The following EPHA4 variants were observed in gnomAD, a reference collection of about 807,000 sequenced individuals.
The protein encoded by EPHA4 is ephrin type-A receptor 4.
EPHA4 carries 19 observed loss-of-function variants against 108.3 expected under a neutral mutation model. That is an observed-to-expected ratio of 0.18 (90% confidence interval 0.12 to 0.26). The LOEUF (loss-of-function observed/expected upper bound fraction) is 0.26. Ranked by LOEUF, EPHA4 falls within the 10% of genes least tolerant of loss-of-function variation. The pLI, the probability that EPHA4 is intolerant of heterozygous loss-of-function variation, is 1.00. For synonymous variants in EPHA4, 449 were observed against 455.5 expected (o/e 0.99, Z 0.18); for missense variants, 917 against 1,254.0 (o/e 0.73, Z 4.06).
Position 221,437,208 on chromosome 2 carries a change from C to T in EPHA4, c.2075-86G>A, listed in dbSNP as rs41272713. 608 of 929,100 alleles carry T rather than the reference C, an allele frequency of 6.5e-4. 3 individuals are homozygous for T. Among genetic ancestry groups the T allele is most frequent in the Non-Finnish European group, 8.9e-4 (513 of 577,566 alleles). 57.6% of individuals were successfully genotyped at this position (929,100 alleles called of 1,614,324 possible). A position where few individuals can be genotyped will look rare whatever the true frequency, so the allele number is the denominator to read the frequency against. On this transcript the variant is annotated intron_variant, in intron 11 of 17. Transcript: ENST00000281821. ...AATGGGCTGCGCACAATTTTACTGC[C>T]AAGATACCTGTCTTGTGTGATCTAA...
At position 221,471,467 on chromosome 2, in the gene EPHA4, G is replaced by A. The variant is rs1003574442; in HGVS notation, c.1318+10885C>T. Among the ~76,000 whole-genome samples the A allele has an allele frequency of 4.6e-5, 7 of 152,146 alleles. No homozygotes were observed. In the East Asian group the frequency reaches 1.3e-3, roughly 29 times the overall value. On this transcript the variant is annotated intron_variant, in intron 5 of 17. Coordinates refer to ENST00000281821, the MANE Select transcript of EPHA4 (RefSeq NM_004438.5). ...TATCTAAGAAAGACACTGGAGGAAA[G>A]CTCCTGCACACTATGGAGGAAGTTA...
chr2:221,445,853 C>A (rs1390725476), intron 9 of EPHA4, among the ~76,000 whole-genome samples: 2 of 151,892 alleles, frequency 1.3e-5, no homozygotes, highest in African/African-American at 4.8e-5. Context: ...AACAATGAGC[C>A]AGCTAGACTG....
chr2:221,559,266 G>C (rs1694388821), intron 3 of EPHA4, among the ~76,000 whole-genome samples: 1 of 152,050 alleles, frequency 6.6e-6, no homozygotes, highest in Non-Finnish European at 1.5e-5. Flanking sequence ...GTAATCATTT[G>C]GCCTTAAGAG....
In EPHA4 at chr2:221,530,151, G is replaced by A. The variant is rs185547473; in HGVS notation, c.824-28979C>T. Among the ~76,000 whole-genome samples, 5 of 151,050 alleles carry A rather than the reference G, an allele frequency of 3.3e-5. No individual in the cohort carries two copies. The East Asian group carries it at 5.8e-4, about 18-fold the overall frequency. On this transcript the variant is annotated intron_variant, in intron 3 of 17. Coordinates refer to ENST00000281821, the MANE Select transcript of EPHA4 (RefSeq NM_004438.5). ...TGCACAAACTGGTTATTAGAACAAG[G>A]TTCTCTCTCCCTGCTTTTTTTTTTT...
At chr2:221,503,787 C>G (rs1692549261) in intron 3 of EPHA4, among the ~76,000 whole-genome samples, 1 of 152,094 alleles carries the variant, frequency 6.6e-6, no homozygotes, top group Non-Finnish European at 1.5e-5. Context: ...ACATTAAGAC[C>G]ATGTTATTAA....
chr2:221,540,245 TTC>T (rs1409344887), intron 3 of EPHA4, among the ~76,000 whole-genome samples: 2 of 152,184 alleles, frequency 1.3e-5, no homozygotes, highest in African/African-American at 4.8e-5. Context: ...ATTCAATGAA[TTC>T]TCTCTATTCA....
intron 3 of EPHA4, among the ~76,000 whole-genome samples, chr2:221,537,545 G>A (rs912194526): frequency 2.0e-5 from 3 of 152,210 alleles, no homozygotes; most frequent in Non-Finnish European, 2.9e-5. Flanking sequence ...CAAGTACTTT[G>A]GGAGGCCAAG....
intron 3 of EPHA4, among the ~76,000 whole-genome samples, chr2:221,541,189 A>G (rs188955591): frequency 1.7e-3 from 260 of 152,206 alleles, no homozygotes; most frequent in African/African-American, 5.7e-3. Flanking sequence ...GATTTAAGCA[A>G]TCATCACATC....
intron 3 of EPHA4, among the ~76,000 whole-genome samples, chr2:221,517,571 G>C (rs77136170): frequency 6.6e-6 from 1 of 151,988 alleles, no homozygotes; most frequent in Non-Finnish European, 1.5e-5. Flanking sequence ...AGGGCGAGCC[G>C]GGAGTCGAGA....
intron 3 of EPHA4, among the ~76,000 whole-genome samples, chr2:221,548,547 CTT>C (rs554591058): frequency 6.8e-6 from 1 of 146,868 alleles, no homozygotes; most frequent in Non-Finnish European, 1.5e-5. Flanking sequence ...AATTAAACCA[CTT>C]TTTTTTTTTA....
At chr2:221,444,744 C>CTTTTTTTTTTTTTTTTT (rs71266317) in intron 9 of EPHA4, among the ~76,000 whole-genome samples, 7 of 74,986 alleles carry the variant, frequency 9.3e-5, no homozygotes, top group Non-Finnish European at 1.4e-4. Flanking sequence ...TTTTTTCTAT[C>CTTTTTTTTTTTTTTTTT]TTTTTTTTTT....
intron 3 of EPHA4, among the ~76,000 whole-genome samples, chr2:221,558,248 T>C (rs536864836): frequency 1.3e-5 from 2 of 152,296 alleles, no homozygotes; most frequent in South Asian, 2.1e-4. Flanking sequence ...AAATGGTAAC[T>C]TGTAAAATGT....
In EPHA4 at chr2:221,477,073, A is replaced by G. The variant is rs546000210; in HGVS notation, c.1318+5279T>C. ...TATTATTATTATTATTATTATTATT[A>G]TTTTGCAGTTAATGCTTAATTGTCC... On this transcript the variant is annotated intron_variant, in intron 5 of 17. Coordinates refer to ENST00000281821, the MANE Select transcript of EPHA4 (RefSeq NM_004438.5). 5.1e-5 allele frequency among the ~76,000 whole-genome samples: 7 copies of G among 136,430 alleles called. 1 individual carries two copies. In the East Asian group the frequency reaches 1.3e-3, roughly 25 times the overall value. The allele number at this position is 136,430 out of a possible 152,430, so 89.5% of individuals were successfully genotyped here.
At chr2:221,513,593 A>G (rs965846751) in intron 3 of EPHA4, among the ~76,000 whole-genome samples, 1 of 152,208 alleles carries the variant, frequency 6.6e-6, no homozygotes, top group Non-Finnish European at 1.5e-5. Context: ...GCAACGTATT[A>G]CGATTCTCTG....
chr2:221,502,621 C>A (rs114452302), intron 3 of EPHA4: 1 of 470,748 alleles, frequency 2.1e-6, no homozygotes, highest in African/African-American at 2.0e-5. Flanking sequence ...CATCAAGCAT[C>A]TGTATGGCTT....
chr2:221,487,177 C>T (rs1042201233), intron 4 of EPHA4, among the ~76,000 whole-genome samples: 1 of 151,990 alleles, frequency 6.6e-6, no homozygotes, highest in Admixed American at 6.6e-5. Flanking sequence ...TTATCACCTG[C>T]TTTAGAGGAG....
chr2:221,558,403 C>T (rs1021049648), intron 3 of EPHA4, among the ~76,000 whole-genome samples: 5 of 151,928 alleles, frequency 3.3e-5, no homozygotes, highest in Non-Finnish European at 5.9e-5. Context: ...CAGTCCTTTG[C>T]TAATGTTAAA....
intron 3 of EPHA4, among the ~76,000 whole-genome samples, chr2:221,547,564 T>C (rs1694034271): frequency 6.6e-6 from 1 of 152,242 alleles, no homozygotes; most frequent in African/African-American, 2.4e-5. Flanking sequence ...TTTTGCTCTT[T>C]GTAAGGCCGT....
At chr2:221,460,017 A>G (rs928059539) in intron 5 of EPHA4, among the ~76,000 whole-genome samples, 1 of 152,178 alleles carries the variant, frequency 6.6e-6, no homozygotes, top group Non-Finnish European at 1.5e-5. Context: ...CATATGGGAA[A>G]TGAGCTTGAT....
Sources: gnomAD v4.1 joint callset for allele counts (sites outside exome capture counted in the v4.1 genomes callset) on GRCh38, gnomAD v4.1.1 for gene constraint, MANE v1.5 for transcripts, NCBI Gene and HGNC (gene_info 2026-07-23, HGNC 2026-07-21) for gene names.